GRHL1: variants seen among roughly 807,000 people sequenced by gnomAD.
GRHL1 encodes grainyhead like transcription factor 1.
GRHL1 carries 38 observed loss-of-function variants against 75.7 expected under a neutral mutation model. The observed-to-expected ratio is 0.50, with a 90% CI of 0.39 to 0.66. The LOEUF is 0.66. Ranked by LOEUF, GRHL1 falls within the 30% of genes least tolerant of loss-of-function variation. The pLI is 0.00. For synonymous variants in GRHL1, 266 were observed against 279.4 expected, an observed-to-expected ratio of 0.95 and a Z score of 0.48; for missense variants, 589 against 767.5, an observed-to-expected ratio of 0.77 and a Z score of 2.75.
intron 14 of GRHL1, among the ~76,000 whole-genome samples, 190 bp from the exon 15 acceptor site, chr2:9,998,773 CAT>C (rs1195819958): frequency 0.13 from 3,725 of 28,390 alleles, 1,064 homozygotes; most frequent in Middle Eastern, 0.21. Flanking sequence ...TATGTACACA[CAT>C]ATATACGTAT....
intron 8 of GRHL1, among the ~76,000 whole-genome samples, chr2:9,970,043 C>T (rs2125219046): frequency 6.6e-6 from 1 of 152,172 alleles, no homozygotes; most frequent in African/African-American, 2.4e-5. Context: ...CGGGGTTTCA[C>T]CGTGTTAGCC....
At chr2:10,000,340 T>C (rs1252491156) in intron 15 of GRHL1, among the ~76,000 whole-genome samples, 1 of 152,228 alleles carries the variant, frequency 6.6e-6, no homozygotes. Flanking sequence ...TAAGCCAGTA[T>C]ATTTCATTTT....
intron 14 of GRHL1, among the ~76,000 whole-genome samples, chr2:9,996,631 C>G (rs1235343455): frequency 6.6e-6 from 1 of 152,160 alleles, no homozygotes; most frequent in Non-Finnish European, 1.5e-5. Flanking sequence ...CTGTGATGGC[C>G]TATGAAATGT....
chr2:9,996,656 C>T (rs1461915150), intron 14 of GRHL1, among the ~76,000 whole-genome samples: 10 of 152,162 alleles, frequency 6.6e-5, no homozygotes, highest in East Asian at 1.9e-4. Context: ...TTTTTATATA[C>T]GTGGTTAAAG....
rs187014119 is a variant in GRHL1, at chr2:9,968,687, G to C, written c.1110+3306G>C. Among the ~76,000 whole-genome samples the C allele has an allele frequency of 7.7e-4, 118 of 152,288 alleles. No individual in the cohort carries two copies. Among genetic ancestry groups the C allele is most frequent in the Middle Eastern group, 3.4e-3 (1 of 294 alleles). ...GGCACTGGTCTCCTGCAGAAGAGAGGCCTAGGAGCTGAGGGGAGGGGTGCA... is the reference window on the plus strand; with the variant it reads ...GGCACTGGTCTCCTGCAGAAGAGAGCCCTAGGAGCTGAGGGGAGGGGTGCA... On this transcript the variant is annotated intron_variant, in intron 8 of 15. Transcript: ENST00000324907. This position sits in a 1 kb window ranked among gnomAD's most constrained non-coding sequence, Gnocchi z 4.7.
intron 4 of GRHL1, 35 bp from the exon 5 acceptor site, chr2:9,962,420 T>C (rs901734604): frequency 1.6e-6 from 2 of 1,237,448 alleles, no homozygotes; most frequent in Middle Eastern, 1.9e-4. Context: ...TGATAACCAG[T>C]TAAATAGTTG....
At chr2:9,969,643 G>GT (rs1353040817) in intron 8 of GRHL1, among the ~76,000 whole-genome samples, 1 of 152,172 alleles carries the variant, frequency 6.6e-6, no homozygotes, top group Non-Finnish European at 1.5e-5. Flanking sequence ...TTGGAATCCA[G>GT]TGAAAACCAG....
At chr2:9,998,864 G>GTA (rs1484350189) in intron 14 of GRHL1, 101 bp from the exon 15 acceptor site, 1,239 of 105,588 alleles carry the variant, frequency 0.012, 222 homozygotes, top group Admixed American at 0.033. Context: ...ATATATATAC[G>GTA]TATATATATG....
intron 7 of GRHL1, chr2:9,964,556 T>G: frequency 1.3e-5 from 6 of 466,584 alleles, no homozygotes; most frequent in Middle Eastern, 5.3e-4. Flanking sequence ...GCCCACGTGG[T>G]GGCTTTCCAC....
Position 9,964,018 on chromosome 2 carries a change from CCAT to C in GRHL1, c.884_886del (p.His295del), listed in dbSNP as rs900455000. 1 of 1,613,788 alleles carries C rather than the reference CCAT, an allele frequency of 6.2e-7. No homozygotes were observed. Among genetic ancestry groups the C allele is most frequent in the African/African-American group, 1.3e-5 (1 of 74,994 alleles). On this transcript the variant is annotated inframe_deletion, in exon 6 of 16. Coordinates refer to ENST00000324907, the MANE Select transcript of GRHL1 (RefSeq NM_198182.3). Reference sequence around the variant, plus strand: ...AGGAGGTGAGCAGCAGTGAAGGAATCCATCATCCCATCAGCAAAGTTCGAGTAA... The same window carrying C: ...AGGAGGTGAGCAGCAGTGAAGGAATCCATCCCATCAGCAAAGTTCGAGTAA...
At chr2:9,974,000 C>A in intron 8 of GRHL1, among the ~76,000 whole-genome samples, 1 of 152,202 alleles carries the variant, frequency 6.6e-6, no homozygotes, top group Non-Finnish European at 1.5e-5. Context: ...CAAAAAACAA[C>A]CTGCTCAGAA....
chr2:9,999,075 C>T, intron 15 of GRHL1, 46 bp downstream of exon 15: 2 of 982,492 alleles, frequency 2.0e-6, no homozygotes, highest in Non-Finnish European at 3.1e-6. Flanking sequence ...TGCTGATGCC[C>T]CCCGCAGTGC....
rs77187537 is a variant in GRHL1 at position 9,964,100 on chromosome 2, A to C, written c.903+58A>C. The C allele has an allele frequency of 8.9e-4, 1,358 of 1,525,290 alleles. 15 individuals carry two copies. The African/African-American group carries it at 0.017, about 19-fold the overall frequency. 94.5% of individuals were successfully genotyped at this position (1,525,290 alleles called of 1,614,324 possible). A position where few individuals can be genotyped will look rare whatever the true frequency, so the allele number is the denominator to read the frequency against. On this transcript the variant is annotated intron_variant, in intron 6 of 15. Coordinates refer to ENST00000324907, the MANE Select transcript of GRHL1 (RefSeq NM_198182.3). Reference sequence around the variant, plus strand: ...AAGCTAGTCAGAGCCTAACATTTCCAGGTCTGAAGCAGCTCTGAATGACCG... The same window carrying C: ...AAGCTAGTCAGAGCCTAACATTTCCCGGTCTGAAGCAGCTCTGAATGACCG...
intron 8 of GRHL1, among the ~76,000 whole-genome samples, chr2:9,970,579 A>G (rs1261268881): frequency 6.6e-6 from 1 of 152,200 alleles, no homozygotes; most frequent in East Asian, 1.9e-4. Context: ...TGGGTGTGCC[A>G]GAGCCAATTT....
intron 5 of GRHL1, among the ~76,000 whole-genome samples, chr2:9,963,332 T>C (rs953494566): frequency 3.3e-5 from 5 of 152,242 alleles, no homozygotes; most frequent in African/African-American, 1.2e-4. Context: ...GATGTGGCTA[T>C]GTGCTAATAA....
At chr2:9,988,180 A>G (rs1334099536) in intron 9 of GRHL1, among the ~76,000 whole-genome samples, 1 of 152,150 alleles carries the variant, frequency 6.6e-6, no homozygotes, top group East Asian at 1.9e-4. Flanking sequence ...AATCTGGTTA[A>G]GTTGCTCGGA....
intron 8 of GRHL1, among the ~76,000 whole-genome samples, chr2:9,984,287 C>T (rs934799222): frequency 6.6e-6 from 1 of 152,172 alleles, no homozygotes; most frequent in Non-Finnish European, 1.5e-5. Flanking sequence ...GCTGTTGACC[C>T]AGGGGCTAGA....
intron 3 of GRHL1, 76 bp from the exon 4 acceptor site, chr2:9,960,970 A>G (rs1667243188): frequency 8.7e-7 from 1 of 1,155,510 alleles, no homozygotes; most frequent in African/African-American, 1.5e-5. Context: ...CCAACAGCCC[A>G]ATGCCATTAG....
chr2:9,999,052 G>A, intron 15 of GRHL1, 23 bp downstream of exon 15: 2 of 1,432,814 alleles, frequency 1.4e-6, no homozygotes, highest in Non-Finnish European at 9.6e-7. Context: ...TGCGTCCTGT[G>A]TACCTCGGAA....
Sources: gnomAD v4.1 joint callset for allele counts (sites outside exome capture counted in the v4.1 genomes callset) on GRCh38, gnomAD v4.1.1 for gene constraint, Gnocchi (gnomAD v3.1) non-coding constraint, MANE v1.5 for transcripts, NCBI Gene and HGNC (gene_info 2026-07-23, HGNC 2026-07-21) for gene names.